Variants in NLGN1 observed in about 807,000 individuals in gnomAD.
NLGN1 encodes neuroligin-1.
NLGN1 carries 12 observed loss-of-function variants against 65.5 expected under a neutral mutation model. The ratio of observed to expected loss-of-function variants is 0.18; its 90% CI spans 0.12 to 0.30. The LOEUF is 0.30. Among genes scored for constraint, NLGN1 ranks in the 10% least tolerant of loss-of-function variants. The probability of loss-of-function intolerance (pLI) is 1.00; values close to 1 mark genes in which losing one functional copy is unlikely to be tolerated. For synonymous variants in NLGN1, 350 were observed against 359.5 expected (o/e 0.97, Z 0.30); for missense variants, 750 against 1,007.1 (o/e 0.74, Z 3.46).
chr3:173,983,907 T>C (rs532693818), intron 4 of NLGN1, among the ~76,000 whole-genome samples: 8 of 152,320 alleles, frequency 5.3e-5, no homozygotes, highest in African/African-American at 1.9e-4. Flanking sequence ...CTCTGTCTTA[T>C]TCGCTGATAT....
At chr3:174,091,145 T>C (rs1160522992) in intron 4 of NLGN1, among the ~76,000 whole-genome samples, 1 of 152,164 alleles carries the variant, frequency 6.6e-6, no homozygotes, top group African/African-American at 2.4e-5. Context: ...AACCTGGAGT[T>C]GTAAAATCAA....
chr3:173,854,894 G>A (rs1007185823), intron 4 of NLGN1, among the ~76,000 whole-genome samples: 4 of 152,048 alleles, frequency 2.6e-5, no homozygotes, highest in African/African-American at 9.7e-5. Flanking sequence ...CCAGTCCTTG[G>A]CAGGCTTTTT....
chr3:173,593,396 C>T (rs575938600), intron 2 of NLGN1, among the ~76,000 whole-genome samples: 22 of 152,220 alleles, frequency 1.4e-4, no homozygotes, highest in East Asian at 7.7e-4. Context: ...CTGTTCACGT[C>T]GTCCTCTCCA....
chr3:173,931,506 T>C (rs1175592635), intron 4 of NLGN1, among the ~76,000 whole-genome samples: 1 of 152,128 alleles, frequency 6.6e-6, no homozygotes, highest in Non-Finnish European at 1.5e-5. Context: ...TGTGGCTATC[T>C]AGGAAAGAGC....
Position 174,032,984 on chromosome 3 carries a change from ATATAGATATAGATCTATC to A in NLGN1, c.646+225157_646+225174del, listed in dbSNP as rs1391615648. Among the ~76,000 whole-genome samples the A allele has an allele frequency of 5.9e-5, 5 of 84,892 alleles. No homozygotes were observed. The East Asian group carries it at 2.1e-3, about 35-fold the overall frequency. The allele number at this position is 84,892 out of a possible 152,430, so 55.7% of individuals were successfully genotyped here. ...ATATGTATATATATTTAGGTCATAT[ATATAGATATAGATCTATC>A]TATATATATAGATCTATATCTATGT... On this transcript the variant is annotated intron_variant, in intron 4 of 6. Coordinates refer to ENST00000457714, the Ensembl canonical transcript of NLGN1.
chr3:173,490,069 T>C (rs1162045668), intron 2 of NLGN1, among the ~76,000 whole-genome samples: 3 of 152,224 alleles, frequency 2.0e-5, no homozygotes, highest in Admixed American at 1.3e-4. Context: ...TCTTTTGCTG[T>C]GCAGAAGCTC....
chr3:174,253,705 G>A (rs1295713151), intron 4 of NLGN1, among the ~76,000 whole-genome samples: 4 of 152,082 alleles, frequency 2.6e-5, no homozygotes, highest in African/African-American at 9.7e-5. Flanking sequence ...GGGCACCCTG[G>A]GGGAGATTCA....
At chr3:173,994,574 G>A (rs927869563) in intron 4 of NLGN1, among the ~76,000 whole-genome samples, 4 of 149,518 alleles carry the variant, frequency 2.7e-5, no homozygotes, top group African/African-American at 9.9e-5. Context: ...TACATCTGAT[G>A]GCAAAATTTT....
At chr3:173,661,894 A>C (rs1760980363) in intron 3 of NLGN1, among the ~76,000 whole-genome samples, 1 of 152,052 alleles carries the variant, frequency 6.6e-6, no homozygotes, top group African/African-American at 2.4e-5. Context: ...AGCAGGAAGC[A>C]GGGTGCATGC....
Position 173,966,927 on chromosome 3 carries a change from A to G in NLGN1, c.646+159095A>G, listed in dbSNP as rs545058498. Among the ~76,000 whole-genome samples the G allele has an allele frequency of 2.9e-3, 445 of 152,320 alleles. 1 individual carries two copies. Among genetic ancestry groups the G allele is most frequent in the Middle Eastern group, 0.01 (3 of 294 alleles). ...AGAGAAAGGTCTATAAATGATGACA[A>G]TGTTCAAATATCTTTAGTAGTTGAA... is the stretch of plus-strand genomic sequence containing the variant. On this transcript the variant is annotated intron_variant, in intron 4 of 6. Transcript: ENST00000457714.
In NLGN1 at chr3:173,703,743, G is replaced by A. The variant is rs369688571; in HGVS notation, c.493+98652G>A. Among the ~76,000 whole-genome samples the A allele has an allele frequency of 2.4e-4, 37 of 152,306 alleles. No homozygotes were observed. In the East Asian group the frequency reaches 6.9e-3, roughly 29 times the overall value. On this transcript the variant is annotated intron_variant, in intron 3 of 6. Transcript: ENST00000457714. ...GTCTAAGTACTTTTAAGTAGCACAA[G>A]GTCTTTCAACATAATTAGCACAGAA...
At chr3:173,564,838 G>T (rs1743363067) in intron 2 of NLGN1, among the ~76,000 whole-genome samples, 1 of 152,142 alleles carries the variant, frequency 6.6e-6, no homozygotes, top group Admixed American at 6.5e-5. Context: ...TTGTACCTGG[G>T]TTATCTCCTG....
intron 2 of NLGN1, among the ~76,000 whole-genome samples, chr3:173,537,100 C>T (rs1737559329): frequency 6.6e-6 from 1 of 152,156 alleles, no homozygotes; most frequent in African/African-American, 2.4e-5. Flanking sequence ...GTTACTGAGT[C>T]CACCAGTTCA....
intron 3 of NLGN1, among the ~76,000 whole-genome samples, chr3:173,636,798 G>A (rs555715513): frequency 6.6e-6 from 1 of 151,554 alleles, no homozygotes; most frequent in East Asian, 1.9e-4. Flanking sequence ...ACACTAATGG[G>A]GTCATTAACA....
At chr3:173,833,535 T>C (rs1417010573) in intron 4 of NLGN1, among the ~76,000 whole-genome samples, 1 of 152,208 alleles carries the variant, frequency 6.6e-6, no homozygotes, top group South Asian at 2.1e-4. Context: ...TATTTATTTT[T>C]TTGAGATCAT....
At chr3:173,855,930 AC>A (rs1366506456) in intron 4 of NLGN1, among the ~76,000 whole-genome samples, 2 of 152,126 alleles carry the variant, frequency 1.3e-5, no homozygotes, top group Non-Finnish European at 2.9e-5. Flanking sequence ...TTTCAGGTTT[AC>A]CCATCACTCT....
At chr3:173,562,528 C>G (rs1742915013) in intron 2 of NLGN1, among the ~76,000 whole-genome samples, 1 of 151,546 alleles carries the variant, frequency 6.6e-6, no homozygotes, top group Admixed American at 6.6e-5. Context: ...GATCTCGCCA[C>G]TGCACTCCAG....
At chr3:174,170,115 C>A (rs1257135559) in intron 4 of NLGN1, among the ~76,000 whole-genome samples, 1 of 151,978 alleles carries the variant, frequency 6.6e-6, no homozygotes, top group Non-Finnish European at 1.5e-5. Context: ...CCAGTGGATT[C>A]CTGTTGTCTT....
rs80093559 is a variant in NLGN1, at chr3:173,486,482, G to C, written c.-321+51404G>C. Among the ~76,000 whole-genome samples, 69 of 152,282 alleles carry C rather than the reference G, an allele frequency of 4.5e-4. No homozygotes were observed. The East Asian group carries it at 0.011, about 24-fold the overall frequency. On this transcript the variant is annotated intron_variant, in intron 2 of 6. Coordinates refer to ENST00000457714, the Ensembl canonical transcript of NLGN1. ...CTTACATGGAAATTATCAGTCTAGG[G>C]ATTTGGAGCAAACGCTGTGGAGAAA...
Sources: gnomAD v4.1 joint callset for allele counts (sites outside exome capture counted in the v4.1 genomes callset) on GRCh38, gnomAD v4.1.1 for gene constraint, MANE v1.5 for transcripts, NCBI Gene and HGNC (gene_info 2026-07-23, HGNC 2026-07-21) for gene names.